The following CDH4 variants were observed in gnomAD, a reference collection of about 807,000 sequenced individuals.
CDH4 encodes the protein cadherin-4.
A neutral mutation model predicts 86.0 loss-of-function variants in CDH4; 33 were observed. The ratio of observed to expected loss-of-function variants is 0.38; its 90% CI spans 0.29 to 0.51. CDH4 has a LOEUF of 0.51. Ranked by LOEUF, CDH4 falls within the 20% of genes least tolerant of loss-of-function variation. CDH4 has a pLI of 0.86. For missense variants in CDH4, 1,114 were observed against 1,307.4 expected (o/e 0.85, Z 2.28); for synonymous variants, 555 against 549.4 (o/e 1.01, Z -0.14).
rs971294578 is a variant in CDH4 at position 61,350,713 on chromosome 20, G to C, written c.169+95776G>C. Among the ~76,000 whole-genome samples the C allele has an allele frequency of 2.0e-5, 3 of 151,304 alleles. No homozygotes were observed. In the East Asian group the frequency reaches 5.9e-4, roughly 30 times the overall value. On this transcript the variant is annotated intron_variant, in intron 2 of 15. Transcript: ENST00000614565. Reference sequence around the variant, plus strand: ...CTCTCCCACCCAGCATCAGGCAGAGGCCCCCCCCCAGTGCTAACTGCGCCC... The same window carrying C: ...CTCTCCCACCCAGCATCAGGCAGAGCCCCCCCCCCAGTGCTAACTGCGCCC...
intron 2 of CDH4, among the ~76,000 whole-genome samples, chr20:61,450,276 A>C (rs1432564292): frequency 6.6e-6 from 1 of 152,220 alleles, no homozygotes; most frequent in Non-Finnish European, 1.5e-5. Flanking sequence ...ACTTCTGGAC[A>C]GTTGAGACTA....
chr20:61,660,514 A>G (rs1230543179), intron 2 of CDH4, among the ~76,000 whole-genome samples: 2 of 152,102 alleles, frequency 1.3e-5, no homozygotes, highest in Admixed American at 6.5e-5. Context: ...TCCATTTTCA[A>G]ACATCAGCCG....
intron 2 of CDH4, among the ~76,000 whole-genome samples, chr20:61,521,366 T>C (rs1390421138): frequency 2.0e-5 from 3 of 152,144 alleles, no homozygotes. Context: ...GGGGAGTATA[T>C]TTTAAGAGGA....
At chr20:61,787,482 A>G (rs1021408061) in intron 4 of CDH4, among the ~76,000 whole-genome samples, 12 of 152,156 alleles carry the variant, frequency 7.9e-5, no homozygotes, top group Non-Finnish European at 1.6e-4. Flanking sequence ...CCCATGATTC[A>G]ATTATCTTCC....
intron 2 of CDH4, among the ~76,000 whole-genome samples, chr20:61,479,175 GT>G (rs2085555506): frequency 8.9e-6 from 1 of 112,256 alleles, no homozygotes; most frequent in South Asian, 2.6e-4. Flanking sequence ...CTGGTTTTTT[GT>G]TTTTTGTTTT....
chr20:61,451,951 AC>A (rs2085383207), intron 2 of CDH4, among the ~76,000 whole-genome samples: 1 of 152,202 alleles, frequency 6.6e-6, no homozygotes, highest in Admixed American at 6.5e-5. Context: ...ATTGCCTAAC[AC>A]TTAACTTCAC....
At chr20:61,477,088 C>T (rs2085541331) in intron 2 of CDH4, among the ~76,000 whole-genome samples, 2 of 152,212 alleles carry the variant, frequency 1.3e-5, no homozygotes, top group Non-Finnish European at 2.9e-5. Flanking sequence ...GTGGACACTG[C>T]AGGGGATGCA....
At chr20:61,644,594 A>G (rs2087042620) in intron 2 of CDH4, among the ~76,000 whole-genome samples, 1 of 152,184 alleles carries the variant, frequency 6.6e-6, no homozygotes, top group African/African-American at 2.4e-5. Flanking sequence ...GAGAAGCACA[A>G]GGTCACGGAG....
chr20:61,581,945 C>T (rs564731527), intron 2 of CDH4, among the ~76,000 whole-genome samples: 57 of 152,346 alleles, frequency 3.7e-4, no homozygotes, highest in African/African-American at 1.3e-3. Context: ...TCGGCCCTGG[C>T]TGGCCTGCCT....
At chr20:61,370,872 G>GC (rs2084836331) in intron 2 of CDH4, 1 of 151,490 alleles carries the variant, frequency 6.6e-6, no homozygotes, top group South Asian at 2.1e-4. Context: ...TGATGAACGA[G>GC]CCTTCTGTCA....
chr20:61,708,204 G>A lies in CDH4; in HGVS notation c.170-35359G>A, dbSNP rs1054480412. Among the ~76,000 whole-genome samples the A allele has an allele frequency of 9.2e-5, 14 of 152,162 alleles. No homozygotes were observed. The highest frequency in any genetic ancestry group is 1.0e-4 in the Non-Finnish European group (7 of 68,004). Reference sequence around the variant, plus strand: ...AGAAGGGCTGGTGCTGCCCGCAAGTGCCTGGACCTGCACACACACACAGGG... The same window carrying A: ...AGAAGGGCTGGTGCTGCCCGCAAGTACCTGGACCTGCACACACACACAGGG... On this transcript the variant is annotated intron_variant, in intron 2 of 15. Coordinates refer to ENST00000614565, the MANE Select transcript of CDH4 (RefSeq NM_001794.5). The surrounding 1 kb of genome is among the most constrained non-coding windows in gnomAD (Gnocchi z 4.5).
intron 2 of CDH4, among the ~76,000 whole-genome samples, chr20:61,674,839 A>G (rs1043002170): frequency 6.6e-6 from 1 of 152,230 alleles, no homozygotes; most frequent in Non-Finnish European, 1.5e-5. Flanking sequence ...GGTCGTCAGC[A>G]ACCTACAGTC....
At chr20:61,418,623 A>G (rs1212253049) in intron 2 of CDH4, among the ~76,000 whole-genome samples, 3 of 152,182 alleles carry the variant, frequency 2.0e-5, no homozygotes, top group African/African-American at 7.2e-5. Context: ...GCCCAGTGAA[A>G]TCGCGTGTGG....
chr20:61,901,725 CT>C (rs541328910), intron 8 of CDH4, among the ~76,000 whole-genome samples: 1 of 152,392 alleles, frequency 6.6e-6, no homozygotes, highest in Non-Finnish European at 1.5e-5. Context: ...CAGCCGGACG[CT>C]TCTGAGTAAG....
intron 2 of CDH4, among the ~76,000 whole-genome samples, chr20:61,284,981 TC>T (rs1297848852): frequency 7.2e-5 from 11 of 152,186 alleles, no homozygotes; most frequent in African/African-American, 2.7e-4. Context: ...CTGTGGTTTG[TC>T]CCTCCCTGCT....
At chr20:61,653,504 T>A (rs1224129992) in intron 2 of CDH4, among the ~76,000 whole-genome samples, 31 of 112,170 alleles carry the variant, frequency 2.8e-4, no homozygotes, top group Non-Finnish European at 3.5e-4. Flanking sequence ...CACTTCCCAG[T>A]AGGGGCGGCC....
Position 61,811,924 on chromosome 20 carries a change from G to A in CDH4, c.577-32744G>A, listed in dbSNP as rs1477926546. 6.6e-6 allele frequency among the ~76,000 whole-genome samples: 1 copy of A among 151,958 alleles called. No individual in the cohort carries two copies. Among genetic ancestry groups the A allele is most frequent in the Non-Finnish European group, 1.5e-5 (1 of 67,980 alleles). ...TGACCGCAGGTGATCCACCTACCTC[G>A]GCCTCCCAAAGTGCTAGGATTATAG... On this transcript the variant is annotated intron_variant, in intron 4 of 15. Coordinates refer to ENST00000614565, the MANE Select transcript of CDH4 (RefSeq NM_001794.5). The surrounding 1 kb of genome is among the most constrained non-coding windows in gnomAD (Gnocchi z 4.4).
Position 61,501,736 on chromosome 20 carries a change from G to A in CDH4, c.170-241827G>A, listed in dbSNP as rs182222771. Among the ~76,000 whole-genome samples the A allele has an allele frequency of 6.6e-6, 1 of 152,262 alleles. No homozygotes were observed. ...TCTTCACAAGCACCACCCCGCCACT[G>A]CCTCCACCATTCGTTAGGGAGCCAC... On this transcript the variant is annotated intron_variant, in intron 2 of 15. Coordinates refer to ENST00000614565, the MANE Select transcript of CDH4 (RefSeq NM_001794.5). This position sits in a 1 kb window ranked among gnomAD's most constrained non-coding sequence, Gnocchi z 4.2.
At chr20:61,396,275 C>T (rs73611522) in intron 2 of CDH4, among the ~76,000 whole-genome samples, 5 of 152,110 alleles carry the variant, frequency 3.3e-5, no homozygotes, top group East Asian at 3.9e-4. Flanking sequence ...CTGGCTACAT[C>T]GGAATTTCCA....
Sources: gnomAD v4.1 joint callset for allele counts (sites outside exome capture counted in the v4.1 genomes callset) on GRCh38, gnomAD v4.1.1 for gene constraint, Gnocchi (gnomAD v3.1) non-coding constraint, MANE v1.5 for transcripts, NCBI Gene and HGNC (gene_info 2026-07-23, HGNC 2026-07-21) for gene names.